Variants in SLC18A1 observed in about 807,000 individuals in gnomAD.
SLC18A1 encodes chromaffin granule amine transporter.
Under a neutral mutation model 53.7 loss-of-function variants are expected in SLC18A1, and 69 were observed. The ratio of observed to expected loss-of-function variants is 1.28; its 90% CI spans 1.06 to 1.57. The LOEUF is 1.57. Among genes scored for constraint, SLC18A1 ranks in the 40% most tolerant of loss-of-function variants. The pLI is 0.00. For missense variants in SLC18A1, 932 were observed against 668.1 expected (o/e 1.40, Z -4.35); for synonymous variants, 320 against 248.1 (o/e 1.29, Z -2.72).
intron 10 of SLC18A1, among the ~76,000 whole-genome samples, chr8:20,164,263 G>A (rs891787188): frequency 2.0e-5 from 3 of 151,968 alleles, no homozygotes; most frequent in African/African-American, 7.3e-5. Context: ...TCTCTAAGTC[G>A]CTGCATGAAC....
intron 8 of SLC18A1, among the ~76,000 whole-genome samples, chr8:20,167,395 T>A (rs989564238): frequency 1.3e-5 from 2 of 152,102 alleles, no homozygotes; most frequent in African/African-American, 4.8e-5. Flanking sequence ...GTAAAATAGG[T>A]GTTTCACCTA....
At chr8:20,150,001 C>T (rs1475901781) in intron 11 of SLC18A1, among the ~76,000 whole-genome samples, 1 of 152,172 alleles carries the variant, frequency 6.6e-6, no homozygotes, top group Non-Finnish European at 1.5e-5. Flanking sequence ...TCAGCTGACT[C>T]AGGAGGCACT....
At position 20,181,017 on chromosome 8, in the gene SLC18A1, T is replaced by C. The variant is rs946666730; in HGVS notation, c.-53A>G. The C allele has an allele frequency of 1.4e-5, 22 of 1,537,854 alleles. No homozygotes were observed. In the African/African-American group the frequency reaches 2.9e-4, roughly 20 times the overall value. Reference sequence around the variant, plus strand: ...CCCTGCGGGCTCTTAGGGAAGGTCCTGTGACAGCTACAGGTCTCCTGCAGC... The same window carrying C: ...CCCTGCGGGCTCTTAGGGAAGGTCCCGTGACAGCTACAGGTCTCCTGCAGC... On this transcript the variant is annotated 5_prime_UTR_variant, in exon 2 of 16. Coordinates refer to ENST00000276373, the MANE Select transcript of SLC18A1 (RefSeq NM_003053.4).
chr8:20,155,636 T>A (rs2071665331), intron 10 of SLC18A1, among the ~76,000 whole-genome samples: 1 of 152,214 alleles, frequency 6.6e-6, no homozygotes, highest in Admixed American at 6.5e-5. Flanking sequence ...GTTCCAACCA[T>A]GACTTTCTTG....
chr8:20,178,573 G>A (rs941648040), intron 3 of SLC18A1, 80 bp from the exon 4 acceptor site: 3 of 1,098,330 alleles, frequency 2.7e-6, no homozygotes, highest in African/African-American at 1.6e-5. Context: ...AATGTAAGTG[G>A]GAGCAGAAAT....
chr8:20,152,423 G>A (rs990075661), intron 10 of SLC18A1, among the ~76,000 whole-genome samples: 1 of 152,192 alleles, frequency 6.6e-6, no homozygotes, highest in Non-Finnish European at 1.5e-5. Flanking sequence ...CAGATTAGAA[G>A]TCATGGTGGA....
intron 12 of SLC18A1, among the ~76,000 whole-genome samples, chr8:20,148,932 G>A (rs915975752): frequency 9.9e-5 from 15 of 152,122 alleles, no homozygotes; most frequent in African/African-American, 3.6e-4. Context: ...TCTCTACATA[G>A]ATGAGGATGC....
chr8:20,150,189 C>T (rs2128868218), intron 11 of SLC18A1, among the ~76,000 whole-genome samples: 1 of 152,258 alleles, frequency 6.6e-6, no homozygotes, highest in Middle Eastern at 3.4e-3. Flanking sequence ...TGCTAAACTC[C>T]AAAGATAAAA....
At chr8:20,171,960 T>G (rs1343098611) in intron 6 of SLC18A1, among the ~76,000 whole-genome samples, 1 of 152,200 alleles carries the variant, frequency 6.6e-6, no homozygotes, top group Non-Finnish European at 1.5e-5. Context: ...TAGCAGAGTA[T>G]GAATATTTGC....
intron 6 of SLC18A1, among the ~76,000 whole-genome samples, chr8:20,172,092 A>T (rs13258461): frequency 2.6e-5 from 4 of 152,034 alleles, no homozygotes; most frequent in Non-Finnish European, 5.9e-5. Flanking sequence ...GGGCTCAGGA[A>T]GATTGTTCAG....
At chr8:20,147,197 T>A (rs1036768663) in intron 15 of SLC18A1, 61 bp downstream of exon 15, 2 of 1,539,190 alleles carry the variant, frequency 1.3e-6, no homozygotes, top group African/African-American at 2.8e-5. Context: ...TGAAAGGGAA[T>A]GAGAGAGATG....
At chr8:20,167,725 A>G (rs1011039554) in intron 8 of SLC18A1, among the ~76,000 whole-genome samples, 2 of 151,944 alleles carry the variant, frequency 1.3e-5, no homozygotes, top group Admixed American at 1.3e-4. Context: ...GGTTCATGCC[A>G]TTCTCCTGCC....
At chr8:20,146,887 C>T (rs932475359) in intron 15 of SLC18A1, among the ~76,000 whole-genome samples, 2 of 150,878 alleles carry the variant, frequency 1.3e-5, no homozygotes, top group African/African-American at 4.9e-5. Context: ...AGTGGATGAA[C>T]GGATGTGCCA....
chr8:20,166,306 T>C (rs1281661087), intron 8 of SLC18A1, among the ~76,000 whole-genome samples: 1 of 98,708 alleles, frequency 1.0e-5, no homozygotes, highest in African/African-American at 3.8e-5. Flanking sequence ...TATATATATA[T>C]ATATATATAT....
In SLC18A1 at chr8:20,147,358, A is replaced by G; in HGVS notation, c.1364T>C (p.Ile455Thr). The G allele has an allele frequency of 6.2e-7, 1 of 1,612,942 alleles. No individual in the cohort carries two copies. The highest frequency in any genetic ancestry group is 8.5e-7 in the Non-Finnish European group (1 of 1,179,740). The change falls in exon 15 of 16, where the codon ATC becomes ACC. Residue 455 changes from isoleucine to threonine, a missense_variant. Physicochemically the swap from Ile to Thr is moderately conservative, Grantham distance 89 (BLOSUM62 -1). Coordinates refer to ENST00000276373, the MANE Select transcript of SLC18A1 (RefSeq NM_003053.4). The stretch of plus-strand genomic sequence containing the variant: ...GATGACCATGAGCCAGGGAAAACCG[A>G]TGGCCTTTACAATGGCACCACCGGT... ...PSTGGAIVKA[I>T]GFPWLMVITG...
chr8:20,178,836 C>A (rs1396209431), intron 3 of SLC18A1, among the ~76,000 whole-genome samples: 2 of 152,288 alleles, frequency 1.3e-5, no homozygotes, highest in African/African-American at 4.8e-5. Flanking sequence ...TACCCTTTTC[C>A]CATTCAAGCC....
In SLC18A1 at chr8:20,179,139, A is replaced by G. The variant is rs1329257500; in HGVS notation, c.470T>C (p.Val157Ala). The change falls in exon 3 of 16, where the codon GTG (valine) becomes GCG (alanine). Residue 157 changes from valine (V) to alanine (A), a missense_variant. Coordinates refer to ENST00000276373, the MANE Select transcript of SLC18A1 (RefSeq NM_003053.4). The part of the protein sequence containing the change: ...AVMQLLVNPF[V>A]GPLTNRIGYH... The stretch of plus-strand genomic sequence containing the variant: ...GAGATACCTGTTGGTGAGAGGGCCC[A>G]CGAATGGGTTGACCAGAAGTTGCAT... 1.9e-6 allele frequency: 3 copies of G among 1,612,240 alleles called. No individual in the cohort carries two copies. The South Asian group carries it at 3.3e-5, about 18-fold the overall frequency.
intron 10 of SLC18A1, 126 bp downstream of exon 10, chr8:20,164,743 T>C: frequency 1.5e-6 from 1 of 686,940 alleles, no homozygotes; most frequent in Non-Finnish European, 2.5e-6. Context: ...GCTTGATTCA[T>C]GGGTGTGGAC....
intron 10 of SLC18A1, among the ~76,000 whole-genome samples, chr8:20,162,570 T>C (rs910167632): frequency 1.3e-5 from 2 of 152,228 alleles, no homozygotes; most frequent in Admixed American, 6.5e-5. Context: ...CCAGATATCC[T>C]AGTTTATTGC....
Sources: allele counts gnomAD v4.1 joint callset (sites outside exome capture counted in the v4.1 genomes callset), GRCh38; gene constraint gnomAD v4.1.1; transcripts MANE v1.5; gene names NCBI Gene and HGNC (gene_info 2026-07-23, HGNC 2026-07-21).